The following KCNIP4 variants were observed in gnomAD, a reference collection of about 807,000 sequenced individuals.
KCNIP4 encodes Kv channel-interacting protein 4.
KCNIP4 carries 12 observed loss-of-function variants against 34.0 expected under a neutral mutation model. That is an observed-to-expected ratio of 0.35 (90% CI 0.23 to 0.57). The LOEUF is 0.57. Among genes scored for constraint, KCNIP4 ranks in the 20% least tolerant of loss-of-function variants. The pLI, the probability that KCNIP4 is intolerant of heterozygous loss-of-function variation, is 0.83. For missense variants in KCNIP4, 238 were observed against 311.7 expected, an observed-to-expected ratio of 0.76 and a Z score of 1.78; for synonymous variants, 124 against 102.2, an observed-to-expected ratio of 1.21 and a Z score of -1.29.
intron 1 of KCNIP4, among the ~76,000 whole-genome samples, chr4:21,793,607 A>T (rs1720433716): frequency 1.3e-5 from 2 of 152,208 alleles, no homozygotes; most frequent in South Asian, 2.1e-4. Context: ...ATTCAAACAC[A>T]TATCTTATAA....
chr4:21,346,491 C>T (rs763675218), intron 1 of KCNIP4, among the ~76,000 whole-genome samples: 37 of 150,760 alleles, frequency 2.5e-4, no homozygotes, highest in Non-Finnish European at 4.9e-4. Flanking sequence ...CAAACTCACA[C>T]TAACAAATAG....
chr4:21,190,123 A>C (rs1212169105), intron 1 of KCNIP4, among the ~76,000 whole-genome samples: 1 of 152,212 alleles, frequency 6.6e-6, no homozygotes, highest in Non-Finnish European at 1.5e-5. Context: ...CTAATTTTGC[A>C]TGTTCCCAAA....
At chr4:21,104,974 A>G (rs112098653) in intron 1 of KCNIP4, among the ~76,000 whole-genome samples, 42,906 of 151,428 alleles carry the variant, frequency 0.28, 6,960 homozygotes, top group African/African-American at 0.41. Context: ...TGGTACAAGT[A>G]CCATGCTGTT....
chr4:21,025,557 T>G (rs1464925787), intron 1 of KCNIP4, among the ~76,000 whole-genome samples: 5 of 118,658 alleles, frequency 4.2e-5, no homozygotes, highest in Admixed American at 8.5e-5. Flanking sequence ...TTTTTTTTTT[T>G]TTTTTTTTTT....
chr4:21,083,238 GT>G (rs1302325312), intron 1 of KCNIP4, among the ~76,000 whole-genome samples: 2 of 151,432 alleles, frequency 1.3e-5, no homozygotes, highest in East Asian at 3.9e-4. Context: ...CTTGCTTCTG[GT>G]CTCTCTTCTC....
At chr4:20,851,763 T>C (rs62295367) in intron 2 of KCNIP4, among the ~76,000 whole-genome samples, 53,522 of 152,164 alleles carry the variant, frequency 0.35, 10,419 homozygotes, top group Admixed American at 0.46. Flanking sequence ...AATTTGTTTC[T>C]ATATAACAAC....
At chr4:21,145,190 AG>A (rs1752263788) in intron 1 of KCNIP4, among the ~76,000 whole-genome samples, 1 of 152,162 alleles carries the variant, frequency 6.6e-6, no homozygotes, top group African/African-American at 2.4e-5. Context: ...ACCTACTCAC[AG>A]GGGCCATGCA....
chr4:21,303,917 G>T (rs769966678), intron 1 of KCNIP4: 4 of 1,613,814 alleles, frequency 2.5e-6, no homozygotes, highest in Non-Finnish European at 3.4e-6. Context: ...GGTCAGCTAG[G>T]TCATGGTCCG....
At chr4:21,675,986 A>C (rs1046241583) in intron 1 of KCNIP4, among the ~76,000 whole-genome samples, 4 of 152,182 alleles carry the variant, frequency 2.6e-5, no homozygotes, top group Non-Finnish European at 4.4e-5. Flanking sequence ...GAGCACGACC[A>C]CTAAGCTGTT....
At chr4:21,231,648 G>A (rs1758797744) in intron 1 of KCNIP4, among the ~76,000 whole-genome samples, 1 of 152,084 alleles carries the variant, frequency 6.6e-6, no homozygotes, top group South Asian at 2.1e-4. Context: ...GTTCTTCTCA[G>A]TAGGCTTATC....
intron 1 of KCNIP4, among the ~76,000 whole-genome samples, chr4:21,507,409 G>A (rs1345895230): frequency 6.6e-6 from 1 of 151,762 alleles, no homozygotes; most frequent in African/African-American, 2.4e-5. Context: ...GGACTACAGG[G>A]ACATGCCGAC....
chr4:21,744,704 G>T (rs1398667834), intron 1 of KCNIP4, among the ~76,000 whole-genome samples: 3 of 152,104 alleles, frequency 2.0e-5, no homozygotes, highest in African/African-American at 4.8e-5. Context: ...CCACAAACTT[G>T]ACTGCATTCC....
At chr4:21,088,946 CA>C (rs996403867) in intron 1 of KCNIP4, among the ~76,000 whole-genome samples, 2 of 152,012 alleles carry the variant, frequency 1.3e-5, no homozygotes, top group Non-Finnish European at 2.9e-5. Flanking sequence ...TGCCTAGAAG[CA>C]AAAAACTTTT....
Position 20,742,027 on chromosome 4 carries a change from T to C in KCNIP4, c.430-7292A>G, listed in dbSNP as rs1238544167. 5.9e-5 allele frequency among the ~76,000 whole-genome samples: 9 copies of C among 152,160 alleles called. 1 individual carries two copies. The South Asian group carries it at 8.3e-4, about 14-fold the overall frequency. On this transcript the variant is annotated intron_variant, in intron 5 of 8. Coordinates refer to ENST00000382152, the MANE Select transcript of KCNIP4 (RefSeq NM_025221.6). Reference sequence around the variant, plus strand: ...TCCCAAGACTAAACCAGGAAGAAGTTGAATCCCTGAATAGACCAATAACAG... The same window carrying C: ...TCCCAAGACTAAACCAGGAAGAAGTCGAATCCCTGAATAGACCAATAACAG...
At chr4:21,071,116 G>A (rs1342086444) in intron 1 of KCNIP4, among the ~76,000 whole-genome samples, 1 of 152,082 alleles carries the variant, frequency 6.6e-6, no homozygotes, top group Non-Finnish European at 1.5e-5. Flanking sequence ...TAATTTTGAT[G>A]AAATCCCATT....
At chr4:21,610,570 C>A (rs1221420735) in intron 1 of KCNIP4, among the ~76,000 whole-genome samples, 1 of 152,068 alleles carries the variant, frequency 6.6e-6, no homozygotes, top group African/African-American at 2.4e-5. Context: ...AAGAAAAACA[C>A]AATCAAAATT....
intron 1 of KCNIP4, among the ~76,000 whole-genome samples, chr4:21,154,573 A>G (rs1175773937): frequency 6.6e-6 from 1 of 152,214 alleles, no homozygotes; most frequent in Non-Finnish European, 1.5e-5. Flanking sequence ...TCTGCAATGG[A>G]GATGAACACT....
chr4:20,973,129 C>T (rs569751123), intron 1 of KCNIP4, among the ~76,000 whole-genome samples: 174 of 152,288 alleles, frequency 1.1e-3, no homozygotes, highest in Non-Finnish European at 2.2e-3. Context: ...ACTGACTTCT[C>T]CTCTCTAGCT....
At chr4:21,533,087 C>A (rs929487054) in intron 1 of KCNIP4, among the ~76,000 whole-genome samples, 1 of 151,570 alleles carries the variant, frequency 6.6e-6, no homozygotes, top group South Asian at 2.1e-4. Context: ...CTATATAGTA[C>A]CTGCTTCCAA....
Sources: gnomAD v4.1 joint callset for allele counts (sites outside exome capture counted in the v4.1 genomes callset) on GRCh38, gnomAD v4.1.1 for gene constraint, MANE v1.5 for transcripts, NCBI Gene and HGNC (gene_info 2026-07-23, HGNC 2026-07-21) for gene names.